The following CDC5L variants were observed in gnomAD, a reference collection of about 807,000 sequenced individuals.
CDC5L encodes the protein cell division cycle 5-like protein.
CDC5L carries 18 observed loss-of-function variants against 104.1 expected under a neutral mutation model. The observed-to-expected ratio is 0.17, with a 90% CI of 0.12 to 0.26. The LOEUF (loss-of-function observed/expected upper bound fraction) is 0.26, where lower values mean the gene tolerates loss of function less well. CDC5L is among the 10% of genes least tolerant of loss of function. The pLI is 1.00. For missense variants in CDC5L, 673 were observed against 956.9 expected (o/e 0.70, Z 3.91); for synonymous variants, 331 against 322.7 (o/e 1.03, Z -0.28).
chr6:44,396,836 A>G (rs887035667), intron 5 of CDC5L, among the ~76,000 whole-genome samples: 5 of 152,230 alleles, frequency 3.3e-5, no homozygotes, highest in African/African-American at 1.2e-4. Context: ...TTTAAAGGAT[A>G]CAAATCAACG....
In CDC5L at chr6:44,393,440, T is replaced by G. The variant is rs1456381892; in HGVS notation, c.312-6T>G. ...GTGTGACTAACTCCTATGGGCTTTT[T>G]TCTAGGGATAAAGCTGCCCAAAGAG... On this transcript the variant is annotated splice_polypyrimidine_tract_variant and splice_region_variant and intron_variant, in intron 3 of 15. Transcript: ENST00000371477. The G allele has an allele frequency of 6.2e-7, 1 of 1,613,266 alleles. No individual in the cohort carries two copies. Among genetic ancestry groups the G allele is most frequent in the East Asian group, 2.2e-5 (1 of 44,852 alleles).
chr6:44,407,695 A>C (rs766799766), intron 7 of CDC5L, among the ~76,000 whole-genome samples: 3 of 152,216 alleles, frequency 2.0e-5, no homozygotes, highest in Non-Finnish European at 2.9e-5. Context: ...TTAATGGTGC[A>C]GAAGAAAGGA....
At position 44,446,658 on chromosome 6, in the gene CDC5L, C is replaced by A. The variant is rs1793467888; in HGVS notation, c.2356C>A (p.His786Asn). The A allele has an allele frequency of 6.3e-7, 1 of 1,596,606 alleles. No individual in the cohort carries two copies. The change falls in exon 16 of 16, where the codon CAT becomes AAT. Residue 786 changes from histidine (H) to asparagine (N), a missense_variant. His to Asn is a moderately conservative substitution (Grantham distance 68). Coordinates refer to ENST00000371477, the MANE Select transcript of CDC5L (RefSeq NM_001253.4). ...ACAAGAAAGAGAAAAGGAACTTCAA[C>A]ATAGATATGCTGATTTGCTGCTGGA... is the stretch of plus-strand genomic sequence containing the variant. ...RQQEREKELQHRYADLLLEKE... is the reference protein window; with the variant it reads ...RQQEREKELQNRYADLLLEKE...
intron 8 of CDC5L, among the ~76,000 whole-genome samples, chr6:44,410,790 C>T (rs541631105): frequency 1.3e-5 from 2 of 152,212 alleles, no homozygotes; most frequent in South Asian, 4.1e-4. Context: ...GACTCATGGC[C>T]TTCAATTTTG....
Position 44,408,570 on chromosome 6 carries a change from A to G in CDC5L, c.1030A>G (p.Thr344Ala). ...TACACTTTTGTCTGAGTACAATGTC[A>G]CCAACAACAGCGTTGCTCTTAGAAC... ...SSTLLSEYNV[T>A]NNSVALRTPR... Residue 344 changes from threonine to alanine, a missense_variant, in exon 8 of 16, where the codon ACC (threonine) becomes GCC (alanine). This residue lies in a region of CDC5L where 578 missense variants were observed against 737.0 expected (regional missense o/e 0.78). Transcript: ENST00000371477. 1 of 1,613,810 alleles carries G rather than the reference A, an allele frequency of 6.2e-7. No individual in the cohort carries two copies. The highest frequency in any genetic ancestry group is 8.5e-7 in the Non-Finnish European group (1 of 1,179,770).
At chr6:44,418,230 G>A (rs1791992195) in intron 8 of CDC5L, among the ~76,000 whole-genome samples, 1 of 151,968 alleles carries the variant, frequency 6.6e-6, no homozygotes, top group African/African-American at 2.4e-5. Context: ...CCACCTATGA[G>A]TGAGAACATG....
At chr6:44,442,160 C>T (rs1270353497) in intron 14 of CDC5L, among the ~76,000 whole-genome samples, 1 of 152,028 alleles carries the variant, frequency 6.6e-6, no homozygotes, top group Non-Finnish European at 1.5e-5. Flanking sequence ...TGGTATTGAT[C>T]TCTTGATCTC....
At chr6:44,406,021 C>T (rs940744338) in intron 6 of CDC5L, among the ~76,000 whole-genome samples, 4 of 152,014 alleles carry the variant, frequency 2.6e-5, no homozygotes, top group Admixed American at 6.5e-5. Flanking sequence ...CCTGCCTCAG[C>T]CTCCCGAGTA....
chr6:44,426,749 T>A (rs1581656742), intron 13 of CDC5L, 25 bp downstream of exon 13: 2 of 1,607,746 alleles, frequency 1.2e-6, no homozygotes, highest in Admixed American at 1.7e-5. Context: ...GAATATTTCT[T>A]CTTGAGATTT....
At chr6:44,419,303 G>C (rs971442670) in intron 8 of CDC5L, 146 bp from the exon 9 acceptor site, 1 of 667,072 alleles carries the variant, frequency 1.5e-6, no homozygotes, top group African/African-American at 1.8e-5. Flanking sequence ...AATCTGCCAT[G>C]ACTGGTATTC....
At chr6:44,424,276 T>C in intron 10 of CDC5L, 143 bp from the exon 11 acceptor site, 1 of 708,928 alleles carries the variant, frequency 1.4e-6, no homozygotes, top group Non-Finnish European at 2.3e-6. Flanking sequence ...TTTGAAACCA[T>C]CCAATTATTC....
At chr6:44,440,622 C>T (rs1272952821) in intron 14 of CDC5L, among the ~76,000 whole-genome samples, 1 of 151,766 alleles carries the variant, frequency 6.6e-6, no homozygotes. Flanking sequence ...TTTCCATACA[C>T]ATATGTGAAG....
intron 8 of CDC5L, among the ~76,000 whole-genome samples, chr6:44,414,181 G>A (rs1412647104): frequency 6.6e-6 from 1 of 152,104 alleles, no homozygotes; most frequent in Non-Finnish European, 1.5e-5. Context: ...TCTGGTTCAA[G>A]CAGCCCTCCC....
At chr6:44,388,223 T>C (rs2153372726) in intron 1 of CDC5L, among the ~76,000 whole-genome samples, 1 of 136,970 alleles carries the variant, frequency 7.3e-6, no homozygotes, top group Non-Finnish European at 1.5e-5. Context: ...CGGGGCACCA[T>C]CCACTCTTAG....
intron 15 of CDC5L, 50 bp downstream of exon 15, chr6:44,445,917 A>G (rs1347757791): frequency 1.4e-6 from 2 of 1,386,620 alleles, no homozygotes; most frequent in South Asian, 2.4e-5. Context: ...GCAAAGAATT[A>G]TCAGGGCTGT....
intron 1 of CDC5L, among the ~76,000 whole-genome samples, 174 bp downstream of exon 1, chr6:44,388,042 C>T (rs1790415289): frequency 6.6e-6 from 1 of 152,036 alleles, no homozygotes; most frequent in Non-Finnish European, 1.5e-5. Flanking sequence ...TGTGCGAGCG[C>T]CAGTAGGACA....
At chr6:44,399,150 G>A (rs545501890) in intron 5 of CDC5L, among the ~76,000 whole-genome samples, 1 of 152,200 alleles carries the variant, frequency 6.6e-6, no homozygotes, top group East Asian at 1.9e-4. Context: ...ACGGAGTCTC[G>A]CTATGTTGCC....
chr6:44,424,328 C>T, intron 10 of CDC5L, 91 bp from the exon 11 acceptor site: 10 of 1,077,344 alleles, frequency 9.3e-6, no homozygotes, highest in South Asian at 4.8e-5. Context: ...CTAGAGTCAC[C>T]CTGTTGTGCT....
chr6:44,443,619 T>C (rs929537547), intron 14 of CDC5L, among the ~76,000 whole-genome samples: 13 of 151,314 alleles, frequency 8.6e-5, no homozygotes, highest in Non-Finnish European at 1.8e-4. Context: ...TCTAGTCTGC[T>C]GTCAAACCCC....
Sources: allele counts gnomAD v4.1 joint callset (sites outside exome capture counted in the v4.1 genomes callset), GRCh38; gene constraint gnomAD v4.1.1; regional missense constraint gnomAD v4.1.1; transcripts MANE v1.5; gene names NCBI Gene and HGNC (gene_info 2026-07-23, HGNC 2026-07-21).